The following INPP4B variants were observed in gnomAD, a reference collection of about 807,000 sequenced individuals.
INPP4B encodes the protein inositol polyphosphate-4-phosphatase type II B.
A neutral mutation model predicts 122.5 loss-of-function variants in INPP4B; 55 were observed. That is an observed-to-expected ratio of 0.45 (90% CI 0.36 to 0.56). The LOEUF is 0.56. Among genes scored for constraint, INPP4B ranks in the 20% least tolerant of loss-of-function variants. The probability of loss-of-function intolerance (pLI) is 0.00; values close to 1 mark genes in which losing one functional copy is unlikely to be tolerated. For synonymous variants in INPP4B, 403 were observed against 388.7 expected (o/e 1.04, Z -0.43); for missense variants, 1,000 against 1,097.7 (o/e 0.91, Z 1.26).
rs142806001 is a variant in INPP4B at position 142,431,434 on chromosome 4, A to T, written c.-126-49T>A. The T allele has an allele frequency of 8.2e-4, 491 of 598,188 alleles. 3 individuals carry two copies. Among genetic ancestry groups the T allele is most frequent in the African/African-American group, 8.1e-3 (436 of 53,622 alleles). The allele number at this position is 598,188 out of a possible 1,614,324, so 37.1% of individuals were successfully genotyped here. A position where few individuals can be genotyped will look rare whatever the true frequency, so the allele number is the denominator to read the frequency against. On this transcript the variant is annotated intron_variant, in intron 3 of 25. Transcript: ENST00000262992. ...TTTCAGTCATATTGGAGTTCAGTATAAAGCTAAAAAGTAAAGGTAAGTAGA... is the reference window on the plus strand; with the variant it reads ...TTTCAGTCATATTGGAGTTCAGTATTAAGCTAAAAAGTAAAGGTAAGTAGA...
intron 2 of INPP4B, among the ~76,000 whole-genome samples, chr4:142,545,735 A>G (rs1560781970): frequency 1.1e-3 from 90 of 80,178 alleles, no homozygotes; most frequent in South Asian, 1.9e-3. Flanking sequence ...GTATATACAC[A>G]TATATGTGTA....
intron 2 of INPP4B, among the ~76,000 whole-genome samples, chr4:142,674,440 G>A (rs891758600): frequency 4.6e-5 from 7 of 152,048 alleles, no homozygotes; most frequent in African/African-American, 7.2e-5. Context: ...AGTGTTTAGA[G>A]TGAGTTTGGT....
At chr4:142,347,638 A>G (rs1461584457) in intron 7 of INPP4B, 1 of 345,002 alleles carries the variant, frequency 2.9e-6, no homozygotes, top group African/African-American at 2.2e-5. Flanking sequence ...CAATAAAAAT[A>G]GTTTAAAAAT....
chr4:142,590,291 C>T (rs1325259241), intron 2 of INPP4B, among the ~76,000 whole-genome samples: 2 of 152,190 alleles, frequency 1.3e-5, no homozygotes, highest in Admixed American at 6.5e-5. Context: ...ATTAGGAGAT[C>T]GGGGGAATCC....
chr4:142,029,240 AATT>A (rs1266787710), intron 25 of INPP4B: 1 of 1,017,108 alleles, frequency 9.8e-7, no homozygotes, highest in Non-Finnish European at 1.2e-6. Context: ...CATTTCCACA[AATT>A]AATTTCTCAG....
At chr4:142,331,919 G>A (rs78843664) in intron 7 of INPP4B, among the ~76,000 whole-genome samples, 2,114 of 151,410 alleles carry the variant, frequency 0.014, 22 homozygotes, top group Non-Finnish European at 0.023. Flanking sequence ...GGGGGGTGGG[G>A]GGTGGAGGGG....
At chr4:142,521,134 A>T (rs570601270) in intron 2 of INPP4B, among the ~76,000 whole-genome samples, 1 of 152,098 alleles carries the variant, frequency 6.6e-6, no homozygotes, top group East Asian at 1.9e-4. Flanking sequence ...GGTATCAAAG[A>T]GATGAAAAAT....
chr4:142,219,614 C>T (rs1355760992), intron 12 of INPP4B, among the ~76,000 whole-genome samples: 3 of 152,180 alleles, frequency 2.0e-5, no homozygotes, highest in East Asian at 1.9e-4. Context: ...AGTTATGAAA[C>T]GTACTTAAAA....
At chr4:142,483,244 G>C (rs750006548) in intron 2 of INPP4B, among the ~76,000 whole-genome samples, 1 of 131,598 alleles carries the variant, frequency 7.6e-6, no homozygotes, top group Non-Finnish European at 1.5e-5. Context: ...GTCTCACAAT[G>C]GCGTTAGTTA....
intron 10 of INPP4B, among the ~76,000 whole-genome samples, chr4:142,263,568 G>T: frequency 6.9e-6 from 1 of 145,198 alleles, no homozygotes; most frequent in Non-Finnish European, 1.5e-5. Flanking sequence ...AACGAAAATA[G>T]ACAAATAGTT....
intron 1 of INPP4B, among the ~76,000 whole-genome samples, chr4:142,743,843 G>A (rs1227561217): frequency 6.6e-6 from 1 of 151,744 alleles, no homozygotes; most frequent in Non-Finnish European, 1.5e-5. Flanking sequence ...TATACCCTGG[G>A]ATACATGAGT....
chr4:142,152,375 CT>C (rs555274163), intron 17 of INPP4B, among the ~76,000 whole-genome samples: 1 of 151,638 alleles, frequency 6.6e-6, no homozygotes, highest in South Asian at 2.1e-4. Flanking sequence ...GCACCCGGCA[CT>C]TTTTTTTCTT....
chr4:142,353,034 A>G (rs1376504930), intron 7 of INPP4B, among the ~76,000 whole-genome samples: 1 of 151,978 alleles, frequency 6.6e-6, no homozygotes. Context: ...TAGAAGCCCA[A>G]TGTGCTACCA....
intron 12 of INPP4B, among the ~76,000 whole-genome samples, chr4:142,209,328 T>C (rs897373109): frequency 2.0e-5 from 3 of 152,154 alleles, no homozygotes; most frequent in Non-Finnish European, 4.4e-5. Flanking sequence ...GGAAGACATT[T>C]AGTTAAAAAG....
chr4:142,658,997 G>C (rs78852585), intron 2 of INPP4B, among the ~76,000 whole-genome samples: 1,753 of 152,274 alleles, frequency 0.012, 31 homozygotes, highest in African/African-American at 0.032. Context: ...CCCAAAAGGC[G>C]TATGTAGAAA....
intron 2 of INPP4B, among the ~76,000 whole-genome samples, chr4:142,612,742 CA>C (rs1242921836): frequency 9.9e-5 from 15 of 152,228 alleles, no homozygotes; most frequent in Admixed American, 9.8e-4. Flanking sequence ...GTGAAGGCTC[CA>C]CCCTCATGAC....
At chr4:142,474,669 G>A (rs1343220054) in intron 2 of INPP4B, among the ~76,000 whole-genome samples, 1 of 152,118 alleles carries the variant, frequency 6.6e-6, no homozygotes, top group Non-Finnish European at 1.5e-5. Context: ...GCTGCTGGTA[G>A]CCAGGCAGTC....
chr4:142,824,242 C>A (rs952240725), intron 1 of INPP4B, among the ~76,000 whole-genome samples: 1 of 152,036 alleles, frequency 6.6e-6, no homozygotes, highest in Admixed American at 6.6e-5. Flanking sequence ...TCATGTGAGC[C>A]AATTCCCATA....
At chr4:142,393,460 C>T (rs1273233654) in intron 7 of INPP4B, among the ~76,000 whole-genome samples, 19 of 152,212 alleles carry the variant, frequency 1.2e-4, no homozygotes, top group Admixed American at 1.2e-3. Context: ...CAAGTCCTTG[C>T]TCCCACCTTT....
Sources: allele counts gnomAD v4.1 joint callset (sites outside exome capture counted in the v4.1 genomes callset), GRCh38; gene constraint gnomAD v4.1.1; transcripts MANE v1.5; gene names NCBI Gene and HGNC (gene_info 2026-07-23, HGNC 2026-07-21).